BSG: variants seen among roughly 807,000 people sequenced by gnomAD.
BSG encodes basigin (Ok blood group).
A neutral mutation model predicts 43.1 loss-of-function variants in BSG; 37 were observed. The observed-to-expected ratio is 0.86, with a 90% CI of 0.66 to 1.13. The LOEUF (loss-of-function observed/expected upper bound fraction) is 1.13, where lower values mean the gene tolerates loss of function less well. BSG is among the 50% of genes most tolerant of loss of function. The pLI is 0.00. For synonymous variants in BSG, 309 were observed against 238.7 expected, an observed-to-expected ratio of 1.29 and a Z score of -2.72; for missense variants, 599 against 554.2, an observed-to-expected ratio of 1.08 and a Z score of -0.81.
At chr19:573,414 T>G (rs1981467715) in intron 1 of BSG, among the ~76,000 whole-genome samples, 1 of 152,190 alleles carries the variant, frequency 6.6e-6, no homozygotes, top group African/African-American at 2.4e-5. Context: ...GCTTTTGTCC[T>G]CCAAGAGCAC....
In BSG at chr19:583,459, C is replaced by T. The variant is rs1476908357; in HGVS notation, c.*715C>T. 3 of 152,366 alleles carry T rather than the reference C, an allele frequency of 2.0e-5. No individual in the cohort carries two copies. Among genetic ancestry groups the T allele is most frequent in the African/African-American group, 7.2e-5 (3 of 41,570 alleles). 9.4% of individuals were successfully genotyped at this position (152,366 alleles called of 1,614,324 possible). On this transcript the variant is annotated 3_prime_UTR_variant, in exon 9 of 9. Transcript: ENST00000333511. ...ACGTGGGAACCCCCCTCCCACCCAC[C>T]GCCACAATAAAGATCGCCCCCACCT...
intron 3 of BSG, 144 bp downstream of exon 3, chr19:579,800 A>G (rs1982126725): frequency 2.3e-6 from 3 of 1,306,214 alleles, no homozygotes; most frequent in Non-Finnish European, 2.0e-6. Context: ...GCAGACCCCC[A>G]GAGGGAAACC....
At chr19:572,458 AT>A, upstream of BSG, 3 of 1,158,464 alleles carry the variant, frequency 2.6e-6, no homozygotes, top group Non-Finnish European at 3.2e-6. Flanking sequence ...CGGCGCGTAC[AT>A]GCGAGCGTGT....
chr19:581,660 C>A, intron 6 of BSG, 69 bp downstream of exon 6: 1 of 1,475,150 alleles, frequency 6.8e-7, no homozygotes. Flanking sequence ...CTGGTCCGTC[C>A]CTGCCAGCCC....
intron 6 of BSG, among the ~76,000 whole-genome samples, chr19:581,876 G>A (rs1157269728): frequency 6.6e-6 from 1 of 152,260 alleles, no homozygotes; most frequent in Non-Finnish European, 1.5e-5. Flanking sequence ...AGTGTCCTCC[G>A]TGGTGAGCCG....
chr19:580,312 G>A (rs972257647), intron 3 of BSG, 67 bp from the exon 4 acceptor site: 3 of 1,464,570 alleles, frequency 2.0e-6, no homozygotes, highest in Non-Finnish European at 2.8e-6. Flanking sequence ...GGCCCCTGGA[G>A]AACCCTGGGT....
rs756714868 is a variant in BSG, at chr19:579,668, A to C, written c.572+12A>C. On this transcript the variant is annotated intron_variant, in intron 3 of 8. Transcript: ENST00000333511. ...AAAACGGAGTTCAAGTGAGTGCCTGACCACGCCATGCCGCCACCTGCCCCT... is the reference window on the plus strand; with the variant it reads ...AAAACGGAGTTCAAGTGAGTGCCTGCCCACGCCATGCCGCCACCTGCCCCT... The C allele has an allele frequency of 6.3e-6, 10 of 1,595,778 alleles. No individual in the cohort carries two copies. Among genetic ancestry groups the C allele is most frequent in the African/African-American group, 2.7e-5 (2 of 74,576 alleles).
At position 581,311 on chromosome 19, in the gene BSG, C is replaced by G; in HGVS notation, c.793-4C>G. 6.2e-7 allele frequency: 1 copy of G among 1,610,506 alleles called. No homozygotes were observed. Among genetic ancestry groups the G allele is most frequent in the Non-Finnish European group, 8.5e-7 (1 of 1,178,408 alleles). ...GGACTCAGCCCTTGCCTTTGGTCCC[C>G]TAGGCCCTCATGAACGGCTCCGAGA... On this transcript the variant is annotated splice_polypyrimidine_tract_variant and splice_region_variant and intron_variant, in intron 5 of 8. Transcript: ENST00000333511.
intron 1 of BSG, among the ~76,000 whole-genome samples, chr19:573,507 G>A (rs1231103476): frequency 6.6e-6 from 1 of 152,194 alleles, no homozygotes; most frequent in East Asian, 1.9e-4. Context: ...GTCTTGCCTA[G>A]GGCGTGCACC....
chr19:580,948 C>T (rs867597129), intron 5 of BSG, among the ~76,000 whole-genome samples, 166 bp downstream of exon 5: 1 of 112,358 alleles, frequency 8.9e-6, no homozygotes, highest in East Asian at 3.0e-4. Flanking sequence ...CTGGGGGTCC[C>T]GGACCCAGCC....
At chr19:571,658 AACCAGC>A, upstream of BSG, 2 of 769,776 alleles carry the variant, frequency 2.6e-6, no homozygotes, top group South Asian at 2.7e-5. Context: ...CGCAAAGAGA[AACCAGC>A]ACTTAGAAAA....
Position 581,444 on chromosome 19 carries a change from G to T in BSG, c.922G>T (p.Gly308Cys). The T allele has an allele frequency of 1.2e-6, 2 of 1,612,330 alleles. No homozygotes were observed. The highest frequency in any genetic ancestry group is 1.7e-6 in the Non-Finnish European group (2 of 1,179,758). ...CCGGTGCAACGGCACCAGCTCCAAG[G>T]GCTCCGACCAGGCCATCATCACGCT... is the stretch of plus-strand genomic sequence containing the variant. ...QYRCNGTSSK[G>C]SDQAIITLRV... Residue 308 changes from glycine to cysteine, a missense_variant, in exon 6 of 9, where the codon GGC (glycine) becomes TGC (cysteine). By Grantham distance (159) the Gly-to-Cys change is radical (BLOSUM62 -3). Coordinates refer to ENST00000333511, the MANE Select transcript of BSG (RefSeq NM_001728.4).
chr19:577,056 C>A (rs1282506451), intron 1 of BSG, among the ~76,000 whole-genome samples: 1 of 152,146 alleles, frequency 6.6e-6, no homozygotes, highest in East Asian at 1.9e-4. Context: ...AGGAGGCACT[C>A]CCCACGCTTC....
chr19:580,793 A>T lies in BSG; in HGVS notation c.792+11A>T, dbSNP rs10416339. The T allele has an allele frequency of 2.6e-5, 23 of 871,740 alleles. No individual in the cohort carries two copies. In the East Asian group the frequency reaches 7.7e-4, roughly 29 times the overall value. 54.0% of individuals were successfully genotyped at this position (871,740 alleles called of 1,614,324 possible). ...GACTCTGAGGACAAGGTGAGAAGCC[A>T]AGGAGGCTGGGGGTCCTGGACCCAG... On this transcript the variant is annotated intron_variant, in intron 5 of 8. Transcript: ENST00000333511.
chr19:572,930 G>A (rs1981401178), intron 1 of BSG, among the ~76,000 whole-genome samples: 1 of 148,398 alleles, frequency 6.7e-6, no homozygotes, highest in African/African-American at 2.5e-5. Flanking sequence ...GCTCCCCCGG[G>A]CGCTCCGGCC....
chr19:574,652 G>C (rs925183188), intron 1 of BSG, among the ~76,000 whole-genome samples: 2 of 152,230 alleles, frequency 1.3e-5, no homozygotes, highest in Admixed American at 6.5e-5. Flanking sequence ...CAAGGGCTTC[G>C]AGCCTCTGTC....
Position 577,926 on chromosome 19 carries a change from GC to G in BSG, c.223del (p.Arg75GlyfsTer45). ...NDTCSQLWDGARLDRVHIHAT... is the reference protein window; with the variant it reads ...NDTCSQLWDGXRLDRVHIHAT... ...CACCTGCTCCCAGCTCTGGGACGGC[GC>G]CCGGCTGGACCGCGTCCACATCCAC... On this transcript the variant is annotated frameshift_variant, in exon 2 of 9. Transcript: ENST00000333511. LOFTEE classifies it high-confidence loss of function. The G allele has an allele frequency of 6.2e-7, 1 of 1,604,040 alleles. No individual in the cohort carries two copies. Among genetic ancestry groups the G allele is most frequent in the Non-Finnish European group, 8.5e-7 (1 of 1,174,098 alleles).
chr19:581,629 C>T (rs781304330), intron 6 of BSG, 38 bp downstream of exon 6: 17 of 1,534,176 alleles, frequency 1.1e-5, no homozygotes, highest in Middle Eastern at 2.3e-4. Flanking sequence ...GCCCTGCTCT[C>T]GGGGTGGCCC....
rs1332040865 is a variant in BSG at position 581,474 on chromosome 19, G to A, written c.952G>A (p.Val318Met). 8.7e-6 allele frequency: 14 copies of A among 1,608,246 alleles called. No homozygotes were observed. Among genetic ancestry groups the A allele is most frequent in the African/African-American group, 1.3e-5 (1 of 74,932 alleles). The change falls in exon 6 of 9, where the codon GTG becomes ATG. Residue 318 changes from valine to methionine, a missense_variant. Val to Met is a conservative substitution (Grantham distance 21). Transcript: ENST00000333511. ...CGACCAGGCCATCATCACGCTCCGC[G>A]TGCGCAGCCACCTGGCCGCCCTCTG... ...GSDQAIITLRVRSHLAALWPF... is the reference protein window; with the variant it reads ...GSDQAIITLRMRSHLAALWPF...
Sources: gnomAD v4.1 joint callset for allele counts (sites outside exome capture counted in the v4.1 genomes callset) on GRCh38, gnomAD v4.1.1 for gene constraint, MANE v1.5 for transcripts, NCBI Gene and HGNC (gene_info 2026-07-23, HGNC 2026-07-21) for gene names.